ZNF536: variants seen among roughly 807,000 people sequenced by gnomAD.
ZNF536 encodes the protein zinc finger protein 536.
In ZNF536, 13 loss-of-function variants were observed where a neutral mutation model predicts 84.5. The observed-to-expected ratio is 0.15, with a 90% CI of 0.10 to 0.24. The LOEUF is 0.24. Ranked by LOEUF, ZNF536 falls within the 10% of genes least tolerant of loss-of-function variation. ZNF536 has a pLI of 1.00. For missense variants in ZNF536, 1,536 were observed against 1,747.5 expected, an observed-to-expected ratio of 0.88 and a Z score of 2.16; for synonymous variants, 811 against 742.5, an observed-to-expected ratio of 1.09 and a Z score of -1.50.
chr19:30,283,755 G>A (rs1052733316), intron 1 of ZNF536, among the ~76,000 whole-genome samples: 1 of 152,146 alleles, frequency 6.6e-6, no homozygotes, highest in African/African-American at 2.4e-5. Flanking sequence ...GAGAGAGAGA[G>A]AGAGAGAGCC....
intron 2 of ZNF536, among the ~76,000 whole-genome samples, chr19:30,286,590 A>G (rs8111535): frequency 5.9e-5 from 8 of 135,940 alleles, no homozygotes; most frequent in African/African-American, 2.2e-4. Context: ...CAGAGAGAGA[A>G]AGAGAGAGAG....
chr19:30,347,339 TCTA>T, intron 2 of ZNF536, among the ~76,000 whole-genome samples: 1 of 152,328 alleles, frequency 6.6e-6, no homozygotes, highest in Middle Eastern at 3.4e-3. Flanking sequence ...GTTCCTCTGG[TCTA>T]GCCGCCTGCT....
At chr19:30,490,357 T>C (rs2054459659) in intron 2 of ZNF536, among the ~76,000 whole-genome samples, 1 of 152,156 alleles carries the variant, frequency 6.6e-6, no homozygotes, top group Non-Finnish European at 1.5e-5. Flanking sequence ...AAAATGAACA[T>C]TTTAGAATAT....
intron 1 of ZNF536, among the ~76,000 whole-genome samples, chr19:30,682,873 CCTT>C (rs1356735028): frequency 1.3e-5 from 2 of 152,150 alleles, no homozygotes; most frequent in Non-Finnish European, 2.9e-5. Context: ...AAGCTGGTGA[CCTT>C]CACTCTGGTC....
At chr19:30,676,911 G>C (rs2050772305) in intron 1 of ZNF536, among the ~76,000 whole-genome samples, 1 of 152,086 alleles carries the variant, frequency 6.6e-6, no homozygotes, top group Admixed American at 6.6e-5. Flanking sequence ...TTGCTATGTT[G>C]CCCAGCCTGG....
intron 1 of ZNF536, chr19:30,710,716 T>C (rs987301595): frequency 1.3e-5 from 2 of 152,144 alleles, no homozygotes; most frequent in African/African-American, 4.8e-5. Context: ...GCCAGGAAGG[T>C]GTGAGCAACA....
chr19:30,391,624 G>A (rs1156446530), intron 1 of ZNF536, among the ~76,000 whole-genome samples: 1 of 152,140 alleles, frequency 6.6e-6, no homozygotes, highest in Non-Finnish European at 1.5e-5. Context: ...TGTTCAGGGT[G>A]AACTTTATTC....
Position 30,636,950 on chromosome 19 carries a change from C to G in ZNF536, c.170-73807C>G, listed in dbSNP as rs901122960. ...CACAGCCATGACAGTCATTTTTCTC[C>G]TGGGCTGGATCCTTTCTGGAGTTCT... On this transcript the variant is annotated intron_variant, in intron 1 of 1. Transcript: ENST00000592773. 2.0e-5 allele frequency among the ~76,000 whole-genome samples: 3 copies of G among 152,152 alleles called. No homozygotes were observed. In the South Asian group the frequency reaches 6.2e-4, roughly 31 times the overall value.
At chr19:30,561,806 C>T (rs761387650), downstream of ZNF536, among the ~76,000 whole-genome samples, 3 of 152,216 alleles carry the variant, frequency 2.0e-5, no homozygotes, top group Non-Finnish European at 2.9e-5. Context: ...TGAGAGAAAG[C>T]CCTCAGGCAG....
At chr19:30,449,156 C>T (rs549005429) in intron 2 of ZNF536, among the ~76,000 whole-genome samples, 31 of 152,242 alleles carry the variant, frequency 2.0e-4, no homozygotes, top group African/African-American at 7.0e-4. Flanking sequence ...CCCCATCTTC[C>T]CCCTTTGTTT....
chr19:30,279,831 G>T (rs919117185), intron 1 of ZNF536, among the ~76,000 whole-genome samples: 1 of 152,168 alleles, frequency 6.6e-6, no homozygotes, highest in African/African-American at 2.4e-5. Flanking sequence ...GTCCTTCCCC[G>T]GGCAGAGGGC....
intron 1 of ZNF536, among the ~76,000 whole-genome samples, chr19:30,648,146 A>G (rs2147414900): frequency 6.6e-6 from 1 of 152,216 alleles, no homozygotes; most frequent in East Asian, 1.9e-4. Context: ...CACAGACTAA[A>G]AAGGGCTGCT....
intron 2 of ZNF536, among the ~76,000 whole-genome samples, chr19:30,457,041 CA>C (rs11405582): frequency 0.036 from 4,234 of 117,794 alleles, 104 homozygotes; most frequent in Admixed American, 0.1. Flanking sequence ...GACTTCATCT[CA>C]AAAAAAAAAA....
intron 2 of ZNF536, among the ~76,000 whole-genome samples, chr19:30,335,736 T>C (rs2047361442): frequency 6.6e-6 from 1 of 152,156 alleles, no homozygotes; most frequent in African/African-American, 2.4e-5. Context: ...GGATAGAATC[T>C]TCCTCGCCAG....
chr19:30,234,222 C>T (rs1017725665), intron 1 of ZNF536, among the ~76,000 whole-genome samples: 6 of 152,056 alleles, frequency 3.9e-5, no homozygotes, highest in African/African-American at 9.7e-5. Flanking sequence ...CTAGGCATTA[C>T]AGCTTTGATT....
At chr19:30,413,830 G>A (rs11672940) in intron 1 of ZNF536, among the ~76,000 whole-genome samples, 54,310 of 151,820 alleles carry the variant, frequency 0.36, 10,513 homozygotes, top group East Asian at 0.7. Flanking sequence ...GGTGGTTCAC[G>A]CCTGTAATCT....
intron 1 of ZNF536, among the ~76,000 whole-genome samples, chr19:30,248,224 C>CT (rs58799737): frequency 0.031 from 4,042 of 130,848 alleles, 160 homozygotes; most frequent in African/African-American, 0.082. Context: ...TCTTTTCTTT[C>CT]TTTTTTTTTT....
intron 3 of ZNF536, among the ~76,000 whole-genome samples, chr19:30,535,624 G>A (rs563663535): frequency 1.5e-3 from 224 of 152,104 alleles, no homozygotes; most frequent in Middle Eastern, 3.4e-3. Flanking sequence ...ATGTTTTGGC[G>A]TCATACTGGA....
upstream of ZNF536, among the ~76,000 whole-genome samples, chr19:30,372,210 A>T (rs932149615): frequency 1.3e-5 from 2 of 152,208 alleles, no homozygotes; most frequent in Non-Finnish European, 2.9e-5. Flanking sequence ...AGTGAAAACA[A>T]TTGGTCATTT....
Sources: allele counts gnomAD v4.1 joint callset (sites outside exome capture counted in the v4.1 genomes callset), GRCh38; gene constraint gnomAD v4.1.1; transcripts MANE v1.5; gene names NCBI Gene and HGNC (gene_info 2026-07-23, HGNC 2026-07-21).